Variants in THBS1 observed in about 807,000 individuals in gnomAD.
The protein encoded by THBS1 is thrombospondin 1, also known as thrombospondin-1.
A neutral mutation model predicts 126.1 loss-of-function variants in THBS1; 29 were observed. The ratio of observed to expected loss-of-function variants is 0.23; its 90% CI spans 0.17 to 0.31. The LOEUF is 0.31. THBS1 is among the 10% of genes least tolerant of loss of function. The probability of loss-of-function intolerance (pLI) is 1.00; values close to 1 mark genes in which losing one functional copy is unlikely to be tolerated. For missense variants in THBS1, 1,198 were observed against 1,545.2 expected, an observed-to-expected ratio of 0.78 and a Z score of 3.77; for synonymous variants, 496 against 577.8, an observed-to-expected ratio of 0.86 and a Z score of 2.03.
chr15:39,584,621 A>G (rs951532194), intron 6 of THBS1, among the ~76,000 whole-genome samples, 199 bp downstream of exon 6: 1 of 152,176 alleles, frequency 6.6e-6, no homozygotes, highest in Non-Finnish European at 1.5e-5. Context: ...CAAAGTATTA[A>G]TTATACCCCA....
At chr15:39,588,410 ATTCT>A in intron 9 of THBS1, 112 bp from the exon 10 acceptor site, 1 of 1,356,572 alleles carries the variant, frequency 7.4e-7, no homozygotes, top group Middle Eastern at 1.9e-4. Context: ...CTTCCCCAGC[ATTCT>A]TTCCATGTGT....
chr15:39,585,069 A>G (rs142506687), intron 6 of THBS1, among the ~76,000 whole-genome samples: 85 of 152,330 alleles, frequency 5.6e-4, no homozygotes, highest in Non-Finnish European at 1.1e-3. Flanking sequence ...ATAGATGAGG[A>G]AAAAGTGCTT....
chr15:39,593,578 G>C lies in THBS1; in HGVS notation c.3177G>C (p.Ser1059=). The C allele has an allele frequency of 6.2e-7, 1 of 1,614,168 alleles. No individual in the cohort carries two copies. Among genetic ancestry groups the C allele is most frequent in the Non-Finnish European group, 8.5e-7 (1 of 1,180,030 alleles). The change falls in exon 19 of 22, where the codon TCG becomes TCC. Residue 1059 remains serine, a synonymous_variant. Coordinates refer to ENST00000260356, the MANE Select transcript of THBS1 (RefSeq NM_003246.4). This position sits in a 1 kb window ranked among gnomAD's most constrained non-coding sequence, Gnocchi z 5.9. The part of the protein sequence containing the change: ...DTNPTRAQGY[S]GLSVKVVNST... ...ACCCCACGAGGGCTCAGGGATACTC[G>C]GGCCTTTCTGTGAAAGTTGTAAACT...
At position 39,589,156 on chromosome 15, in the gene THBS1, T is replaced by C; in HGVS notation, c.1774-46T>C. On this transcript the variant is annotated intron_variant, in intron 11 of 21. Transcript: ENST00000260356. The surrounding 1 kb of genome is among the most constrained non-coding windows in gnomAD (Gnocchi z 4.7). Reference sequence around the variant, plus strand: ...GCTAACCTGTGCAGTCGCTTCCTTATGGCAGTGACTTCTAAACATGATGCA... The same window carrying C: ...GCTAACCTGTGCAGTCGCTTCCTTACGGCAGTGACTTCTAAACATGATGCA... The C allele has an allele frequency of 6.2e-7, 1 of 1,613,072 alleles. No homozygotes were observed.
In THBS1 at chr15:39,589,057, A is replaced by AATGGGG; in HGVS notation, c.1748_1749insGGATGG (p.Gly583_Ile584insAspGly). The AATGGGG allele has an allele frequency of 6.2e-7, 1 of 1,614,130 alleles. No homozygotes were observed. The highest frequency in any genetic ancestry group is 8.5e-7 in the Non-Finnish European group (1 of 1,180,024). On this transcript the variant is annotated inframe_insertion, in exon 11 of 22. Coordinates refer to ENST00000260356, the MANE Select transcript of THBS1 (RefSeq NM_003246.4). This position sits in a 1 kb window ranked among gnomAD's most constrained non-coding sequence, Gnocchi z 4.7. Reference sequence around the variant, plus strand: ...TGCTTGTCCCCCTGGTTACAGTGGAAATGGCATCCAGTGCACAGATGTTGA... The same window carrying AATGGGG: ...TGCTTGTCCCCCTGGTTACAGTGGAAATGGGGATGGCATCCAGTGCACAGATGTTGA...
intron 6 of THBS1, 100 bp downstream of exon 6, chr15:39,584,522 TC>T: frequency 6.7e-7 from 1 of 1,484,454 alleles, no homozygotes; most frequent in Non-Finnish European, 9.1e-7. Flanking sequence ...CTTTTTATGT[TC>T]CATGGCCTGA....
At position 39,584,139 on chromosome 15, in the gene THBS1, G is replaced by A. The variant is rs554424066; in HGVS notation, c.855G>A (p.Arg285=). 1.6e-5 allele frequency: 26 copies of A among 1,614,186 alleles called. No homozygotes were observed. In the South Asian group the frequency reaches 2.3e-4, roughly 14 times the overall value. Residue 285 remains arginine, a synonymous_variant, in exon 5 of 22, where the codon AGG becomes AGA. Transcript: ENST00000260356. The stretch of plus-strand genomic sequence containing the variant: ...TGTCCAGCATGGTCCTGGAACTCAG[G>A]GGCCTGCGCACCATTGTGACCACGC... ...DELSSMVLEL[R]GLRTIVTTLQ...
At chr15:39,595,165 T>C (rs549816379) in intron 21 of THBS1, among the ~76,000 whole-genome samples, 197 bp from the exon 22 acceptor site, 15 of 152,366 alleles carry the variant, frequency 9.8e-5, no homozygotes, top group Admixed American at 4.6e-4. Context: ...TCTGGAAGGT[T>C]CACGCTGTGT....
chr15:39,583,838 TTATACACACACACG>T, intron 4 of THBS1, 136 bp from the exon 5 acceptor site: 1 of 1,181,548 alleles, frequency 8.5e-7, no homozygotes, highest in Non-Finnish European at 1.2e-6. Context: ...CCAAGGGGTA[TTATACACACACACG>T]TATACACACG....
intron 13 of THBS1, 140 bp from the exon 14 acceptor site, chr15:39,590,376 G>A (rs775916191): frequency 1.5e-6 from 1 of 654,616 alleles, no homozygotes; most frequent in Non-Finnish European, 2.6e-6. Flanking sequence ...TTATTTTCTT[G>A]TCTTCCCATA....
intron 13 of THBS1, 26 bp from the exon 14 acceptor site, chr15:39,590,490 A>G (rs1405714902): frequency 1.3e-6 from 2 of 1,562,300 alleles, no homozygotes; most frequent in African/African-American, 1.4e-5. Flanking sequence ...CAACTGAAGC[A>G]GTGATATATA....
chr15:39,591,097 T>G, intron 14 of THBS1, 94 bp from the exon 15 acceptor site: 1 of 1,408,214 alleles, frequency 7.1e-7, no homozygotes, highest in Non-Finnish European at 9.8e-7. Flanking sequence ...GTATTGCTGA[T>G]TTTCACAGTT....
chr15:39,591,150 A>G, intron 14 of THBS1, 41 bp from the exon 15 acceptor site: 3 of 1,599,332 alleles, frequency 1.9e-6, no homozygotes. Context: ...AGCTGTTTTC[A>G]AGGACAACAT....
rs1890475606 is a variant in THBS1 at position 39,597,275 on chromosome 15, G to GTTTTGTTTTTTTTTTTTTTTTTT, written c.*1910_*1932dup. ...GAATTGTTGGTTTTTTCTTTTTTTTGTTTTGTTTTTTTTTTTTTTTTTTTT... is the reference window on the plus strand; with the variant it reads ...GAATTGTTGGTTTTTTCTTTTTTTTGTTTTGTTTTTTTTTTTTTTTTTTTTTTGTTTTTTTTTTTTTTTTTTTT... On this transcript the variant is annotated 3_prime_UTR_variant, in exon 22 of 22. Transcript: ENST00000260356. 1.9e-4 allele frequency: 10 copies of GTTTTGTTTTTTTTTTTTTTTTTT among 52,588 alleles called. No homozygotes were observed. Among genetic ancestry groups the GTTTTGTTTTTTTTTTTTTTTTTT allele is most frequent in the South Asian group, 5.4e-4 (1 of 1,864 alleles). The allele number at this position is 52,588 out of a possible 1,614,324, so 3.3% of individuals were successfully genotyped here.
rs556488949 is a variant in THBS1 at position 39,591,196 on chromosome 15, C to T, written c.2259C>T (p.Asn753=). Residue 753 remains asparagine (N), a synonymous_variant, in exon 15 of 22, where the codon AAC becomes AAT. Coordinates refer to ENST00000260356, the MANE Select transcript of THBS1 (RefSeq NM_003246.4). ...DNDKIPDDRD[N]CPFHYNPAQY... is the part of the protein sequence containing the mutation. ...TCCATTTCTTCTCTTTGCAGGACAA[C>T]TGTCCATTCCATTACAACCCAGCTC... 5.5e-5 allele frequency: 89 copies of T among 1,613,590 alleles called. No individual in the cohort carries two copies. The South Asian group carries it at 8.9e-4, about 16-fold the overall frequency.
chr15:39,588,379 A>G, intron 9 of THBS1, 147 bp from the exon 10 acceptor site: 1 of 1,300,908 alleles, frequency 7.7e-7, no homozygotes, highest in Non-Finnish European at 1.0e-6. Context: ...AACTTCTTTT[A>G]ATGAAAAACA....
At position 39,589,331 on chromosome 15, in the gene THBS1, G is replaced by C. The variant is rs778150114; in HGVS notation, c.1903G>C (p.Glu635Gln). 4 of 1,613,914 alleles carry C rather than the reference G, an allele frequency of 2.5e-6. No individual in the cohort carries two copies. Among genetic ancestry groups the C allele is most frequent in the Non-Finnish European group, 3.4e-6 (4 of 1,180,018 alleles). The change falls in exon 12 of 22, where the codon GAA becomes CAA. Residue 635 changes from glutamate (E) to glutamine (Q), a missense_variant. Transcript: ENST00000260356. The surrounding 1 kb of genome is among the most constrained non-coding windows in gnomAD (Gnocchi z 4.7). ...CTCACAGCCCTTCGGCCAGGGTGTC[G>C]AACATGCCACGGCCAACAAACAGGT... ...TGSQPFGQGVEHATANKQVCK... is the reference protein window; with the variant it reads ...TGSQPFGQGVQHATANKQVCK...
Position 39,588,214 on chromosome 15 carries a change from C to T in THBS1, c.1467C>T (p.Cys489=). The T allele has an allele frequency of 6.2e-7, 1 of 1,613,064 alleles. No homozygotes were observed. The highest frequency in any genetic ancestry group is 8.5e-7 in the Non-Finnish European group (1 of 1,179,828). ...RETKACKKDA[C]PINGGWGPWS... ...CCAAAGCCTGCAAGAAAGACGCCTG[C>T]CCCAGTAAGTGTGAGGTCCGCTGCA... Residue 489 remains cysteine, a synonymous_variant, in exon 9 of 22, where the codon TGC becomes TGT. Coordinates refer to ENST00000260356, the MANE Select transcript of THBS1 (RefSeq NM_003246.4).
In THBS1 at chr15:39,593,660, C is replaced by A; in HGVS notation, c.3259C>A (p.Pro1087Thr). The change falls in exon 19 of 22, where the codon CCT becomes ACT. Residue 1087 changes from proline to threonine, a missense_variant. Pro to Thr is a conservative substitution (Grantham distance 38). Coordinates refer to ENST00000260356, the MANE Select transcript of THBS1 (RefSeq NM_003246.4). The surrounding 1 kb of genome is among the most constrained non-coding windows in gnomAD (Gnocchi z 5.9). ...RNALWHTGNTPGQVRTLWHDP... is the reference protein window; with the variant it reads ...RNALWHTGNTTGQVRTLWHDP... Reference sequence around the variant, plus strand: ...CGCCCTGTGGCACACAGGAAACACCCCTGGCCAGGTAAGAAGCAAAGCCCT... The same window carrying A: ...CGCCCTGTGGCACACAGGAAACACCACTGGCCAGGTAAGAAGCAAAGCCCT... 2 of 1,613,272 alleles carry A rather than the reference C, an allele frequency of 1.2e-6. No individual in the cohort carries two copies. The highest frequency in any genetic ancestry group is 8.5e-7 in the Non-Finnish European group (1 of 1,179,922).
Sources: gnomAD v4.1 joint callset for allele counts (sites outside exome capture counted in the v4.1 genomes callset) on GRCh38, gnomAD v4.1.1 for gene constraint, Gnocchi (gnomAD v3.1) non-coding constraint, MANE v1.5 for transcripts, NCBI Gene and HGNC (gene_info 2026-07-23, HGNC 2026-07-21) for gene names.